Variants in PLEKHG3 observed in about 807,000 individuals in gnomAD.
PLEKHG3 encodes the protein pleckstrin homology domain-containing family G member 3.
Under a neutral mutation model 94.9 loss-of-function variants are expected in PLEKHG3, and 62 were observed. The ratio of observed to expected loss-of-function variants is 0.65; its 90% CI spans 0.53 to 0.81. PLEKHG3 has a LOEUF of 0.81. Among genes scored for constraint, PLEKHG3 ranks in the 30% least tolerant of loss-of-function variants. PLEKHG3 has a pLI of 0.00. For synonymous variants in PLEKHG3, 614 were observed against 654.0 expected, an observed-to-expected ratio of 0.94 and a Z score of 0.93; for missense variants, 1,461 against 1,619.3, an observed-to-expected ratio of 0.90 and a Z score of 1.68.
rs1055679156 is a variant in PLEKHG3, at chr14:64,748,020, T to C, written c.*4317T>C. 1.3e-5 allele frequency: 2 copies of C among 152,002 alleles called. No individual in the cohort carries two copies. Among genetic ancestry groups the C allele is most frequent in the African/African-American group, 4.8e-5 (2 of 41,320 alleles). The allele number at this position is 152,002 out of a possible 1,614,324, so 9.4% of individuals were successfully genotyped here. ...GCTCAGGGCTGGAGGGTGGTAGATA[T>C]TTGACCTCTGTACTCATGTGACCCC... On this transcript the variant is annotated 3_prime_UTR_variant, in exon 17 of 17. Transcript: ENST00000247226.
chr14:64,709,069 C>A (rs1416560862), intron 1 of PLEKHG3, among the ~76,000 whole-genome samples: 2 of 152,190 alleles, frequency 1.3e-5, no homozygotes, highest in Non-Finnish European at 2.9e-5. Context: ...CTGCTGGTAG[C>A]CCCTCTGTCT....
In PLEKHG3 at chr14:64,728,813, T is replaced by A. The variant is rs2081402477; in HGVS notation, c.352-183T>A. On this transcript the variant is annotated intron_variant, in intron 2 of 16. Coordinates refer to ENST00000247226, the MANE Select transcript of PLEKHG3 (RefSeq NM_001308147.2). The surrounding 1 kb of genome is among the most constrained non-coding windows in gnomAD (Gnocchi z 5.9). ...TAACTAATGGCATCCACAAAGACCT[T>A]ATTTCCAAATAAAGTCACATTCTGG... is the stretch of plus-strand genomic sequence containing the variant. 6.6e-6 allele frequency among the ~76,000 whole-genome samples: 1 copy of A among 152,176 alleles called. No homozygotes were observed. Among genetic ancestry groups the A allele is most frequent in the South Asian group, 2.1e-4 (1 of 4,820 alleles).
At chr14:64,734,112 G>A (rs2081526107) in intron 12 of PLEKHG3, among the ~76,000 whole-genome samples, 1 of 152,208 alleles carries the variant, frequency 6.6e-6, no homozygotes, top group South Asian at 2.1e-4. Context: ...CGAGAAGGTG[G>A]AGCAGTGGCT....
Position 64,732,451 on chromosome 14 carries a change from G to C in PLEKHG3, c.1237G>C (p.Asp413His). 1.9e-6 allele frequency: 3 copies of C among 1,613,422 alleles called. No homozygotes were observed. The highest frequency in any genetic ancestry group is 1.7e-6 in the Non-Finnish European group (2 of 1,179,346). Residue 413 changes from aspartate (D) to histidine (H), a missense_variant, in exon 11 of 17, where the codon GAT becomes CAT. Around this residue, in one of 3 missense-constraint regions of PLEKHG3, gnomAD observed 1,201 missense variants for 1,295.5 expected, o/e 0.93. Transcript: ENST00000247226. The surrounding 1 kb of genome is among the most constrained non-coding windows in gnomAD (Gnocchi z 4.9). Reference sequence around the variant, plus strand: ...GGCCAAGGAAGCCATCTTGGAAATGGATTCCTATTGTAAGTGTACCCTTTT... The same window carrying C: ...GGCCAAGGAAGCCATCTTGGAAATGCATTCCTATTGTAAGTGTACCCTTTT... ...QKAKEAILEMDSYYPNRYRCS... is the reference protein window; with the variant it reads ...QKAKEAILEMHSYYPNRYRCS...
At chr14:64,735,904 AAGAAT>A (rs2139389636) in intron 12 of PLEKHG3, among the ~76,000 whole-genome samples, 1 of 152,388 alleles carries the variant, frequency 6.6e-6, no homozygotes, top group South Asian at 2.1e-4. Flanking sequence ...TTTAAAATGA[AAGAAT>A]AGAACATTTT....
Position 64,749,271 on chromosome 14 carries a change from C to A in PLEKHG3, c.*5568C>A, listed in dbSNP as rs768011952. On this transcript the variant is annotated 3_prime_UTR_variant, in exon 17 of 17. Transcript: ENST00000247226. The surrounding 1 kb of genome is among the most constrained non-coding windows in gnomAD (Gnocchi z 4.7). ...AGGCCTGGGCTGCCCGGTCTCTGCGCGTCCCGACTCCGCCGCGCCCGCCAG... is the reference window on the plus strand; with the variant it reads ...AGGCCTGGGCTGCCCGGTCTCTGCGAGTCCCGACTCCGCCGCGCCCGCCAG... 14 of 1,546,644 alleles carry A rather than the reference C, an allele frequency of 9.1e-6. No individual in the cohort carries two copies. The African/African-American group carries it at 1.6e-4, about 18-fold the overall frequency.
In PLEKHG3 at chr14:64,743,237, G is replaced by T; in HGVS notation, c.3194G>T (p.Arg1065Leu). 6.2e-7 allele frequency: 1 copy of T among 1,607,686 alleles called. No homozygotes were observed. Among genetic ancestry groups the T allele is most frequent in the South Asian group, 1.1e-5 (1 of 90,868 alleles). ...TATGCCTCCCGCGATGAGGCACGCC[G>T]AGCAGGGGGCGGCCGGCCCCGCGGC... ...SKYASRDEARRAGGGRPRGPP... is the reference protein window; with the variant it reads ...SKYASRDEARLAGGGRPRGPP... The change falls in exon 17 of 17, where the codon CGA becomes CTA. Residue 1065 changes from arginine (R) to leucine (L), a missense_variant. Physicochemically the swap from Arg to Leu is moderately radical, Grantham distance 102 (BLOSUM62 -2). Coordinates refer to ENST00000247226, the MANE Select transcript of PLEKHG3 (RefSeq NM_001308147.2). The surrounding 1 kb of genome is among the most constrained non-coding windows in gnomAD (Gnocchi z 7.2).
chr14:64,735,618 A>G (rs756090313), intron 12 of PLEKHG3, among the ~76,000 whole-genome samples: 13 of 152,220 alleles, frequency 8.5e-5, no homozygotes, highest in Middle Eastern at 3.2e-3. Context: ...TTGCAAAAAA[A>G]CAAAACAAAA....
Position 64,738,914 on chromosome 14 carries a change from A to C in PLEKHG3, c.1518+59A>C. On this transcript the variant is annotated intron_variant, in intron 15 of 16. Coordinates refer to ENST00000247226, the MANE Select transcript of PLEKHG3 (RefSeq NM_001308147.2). The surrounding 1 kb of genome is among the most constrained non-coding windows in gnomAD (Gnocchi z 4.8). ...GAAGAACTTGGAGTCCAGATTTTCA[A>C]GTCTGCAAATAGGGCTTTCAGGCAC... The C allele has an allele frequency of 8.9e-7, 1 of 1,120,972 alleles. No individual in the cohort carries two copies. The highest frequency in any genetic ancestry group is 1.3e-6 in the Non-Finnish European group (1 of 754,544). The allele number at this position is 1,120,972 out of a possible 1,614,324, so 69.4% of individuals were successfully genotyped here.
chr14:64,736,929 G>GGGGAGGAGGA (rs563638448), intron 13 of PLEKHG3, 38 bp downstream of exon 13: 3 of 1,558,656 alleles, frequency 1.9e-6, no homozygotes, highest in Non-Finnish European at 1.8e-6. Flanking sequence ...CCAGTGAGCG[G>GGGGAGGAGGA]GGGAGGAGGA....
Position 64,738,992 on chromosome 14 carries a change from T to A in PLEKHG3, c.1518+137T>A. On this transcript the variant is annotated intron_variant, in intron 15 of 16. Transcript: ENST00000247226. This position sits in a 1 kb window ranked among gnomAD's most constrained non-coding sequence, Gnocchi z 4.8. ...AGAGATTCCCCACCTCCCAGGACTC[T>A]CAGCCCTGCATGAAGCCTGTTTGGC... 1.5e-6 allele frequency: 1 copy of A among 650,900 alleles called. No homozygotes were observed. Among genetic ancestry groups the A allele is most frequent in the Non-Finnish European group, 2.8e-6 (1 of 357,568 alleles). 40.3% of individuals were successfully genotyped at this position (650,900 alleles called of 1,614,324 possible).
In PLEKHG3 at chr14:64,722,303, G is replaced by A. The variant is rs2081275980; in HGVS notation, c.-39-5290G>A. Among the ~76,000 whole-genome samples, 1 of 152,070 alleles carries A rather than the reference G, an allele frequency of 6.6e-6. No individual in the cohort carries two copies. The highest frequency in any genetic ancestry group is 6.5e-5 in the Admixed American group (1 of 15,274). On this transcript the variant is annotated intron_variant, in intron 1 of 16. Transcript: ENST00000247226. The surrounding 1 kb of genome is among the most constrained non-coding windows in gnomAD (Gnocchi z 4.3). ...GATCTCAGCTCACTGCAACCTCCTG[G>A]GTTCAAGCAATTCTCCTGCCTCAGC...
intron 1 of PLEKHG3, among the ~76,000 whole-genome samples, chr14:64,719,329 C>T (rs536132243): frequency 7.9e-5 from 12 of 151,112 alleles, no homozygotes; most frequent in Admixed American, 2.7e-4. Context: ...AGTGATTTAT[C>T]CGTTATCATC....
intron 1 of PLEKHG3, among the ~76,000 whole-genome samples, chr14:64,706,779 C>G (rs2080978839): frequency 6.6e-6 from 1 of 152,256 alleles, no homozygotes; most frequent in African/African-American, 2.4e-5. Context: ...TGCGGGATGA[C>G]CAGGGCTGGA....
chr14:64,708,083 G>C (rs927070233), intron 1 of PLEKHG3, among the ~76,000 whole-genome samples: 1 of 152,224 alleles, frequency 6.6e-6, no homozygotes, highest in Non-Finnish European at 1.5e-5. Flanking sequence ...CAGGAGTGGG[G>C]AATTAGAGGG....
rs2081905999 is a variant in PLEKHG3 at position 64,749,406 on chromosome 14, T to C, written c.*5703T>C. The stretch of plus-strand genomic sequence containing the variant: ...GGAAGGCAGGGGCAGGCTCTGCGCC[T>C]TGACGCGGATGCTCTGGGACTCGTT... On this transcript the variant is annotated 3_prime_UTR_variant, in exon 17 of 17. Transcript: ENST00000247226. The surrounding 1 kb of genome is among the most constrained non-coding windows in gnomAD (Gnocchi z 4.7). The C allele has an allele frequency of 6.2e-7, 1 of 1,608,042 alleles. No homozygotes were observed. Among genetic ancestry groups the C allele is most frequent in the East Asian group, 2.2e-5 (1 of 44,868 alleles).
chr14:64,710,396 G>T (rs563529019), intron 1 of PLEKHG3, among the ~76,000 whole-genome samples: 1 of 152,314 alleles, frequency 6.6e-6, no homozygotes, highest in South Asian at 2.1e-4. Context: ...AAGGCCGGGC[G>T]CAGTGGCTCA....
In PLEKHG3 at chr14:64,749,853, C is replaced by CT; in HGVS notation, c.*6153dup. The CT allele has an allele frequency of 6.6e-7, 1 of 1,506,132 alleles. No homozygotes were observed. Among genetic ancestry groups the CT allele is most frequent in the Non-Finnish European group, 9.2e-7 (1 of 1,089,552 alleles). 93.3% of individuals were successfully genotyped at this position (1,506,132 alleles called of 1,614,324 possible). A position where few individuals can be genotyped will look rare whatever the true frequency, so the allele number is the denominator to read the frequency against. ...AGGTCAAAGTCTGGACCATCAGCCT[C>CT]TTTGATTTGAAAAACCCCTGAGGAG... On this transcript the variant is annotated 3_prime_UTR_variant, in exon 17 of 17. Transcript: ENST00000247226. The surrounding 1 kb of genome is among the most constrained non-coding windows in gnomAD (Gnocchi z 4.7).
In PLEKHG3 at chr14:64,727,508, C is replaced by A; in HGVS notation, c.-39-85C>A. The A allele has an allele frequency of 2.2e-6, 1 of 464,640 alleles. No individual in the cohort carries two copies. The highest frequency in any genetic ancestry group is 4.1e-6 in the Non-Finnish European group (1 of 244,258). 28.8% of individuals were successfully genotyped at this position (464,640 alleles called of 1,614,324 possible). A position where few individuals can be genotyped will look rare whatever the true frequency, so the allele number is the denominator to read the frequency against. On this transcript the variant is annotated intron_variant, in intron 1 of 16. Coordinates refer to ENST00000247226, the MANE Select transcript of PLEKHG3 (RefSeq NM_001308147.2). This position sits in a 1 kb window ranked among gnomAD's most constrained non-coding sequence, Gnocchi z 6.0. The stretch of plus-strand genomic sequence containing the variant: ...ACTAAATAATACCTTCCCACCCCAC[C>A]TGCCCCCACCCCTGGCAACCGTCCC...
Sources: allele counts gnomAD v4.1 joint callset (sites outside exome capture counted in the v4.1 genomes callset), GRCh38; gene constraint gnomAD v4.1.1; regional missense constraint gnomAD v4.1.1; non-coding constraint Gnocchi (gnomAD v3.1); transcripts MANE v1.5; gene names NCBI Gene and HGNC (gene_info 2026-07-23, HGNC 2026-07-21).